Variants in KNDC1 observed in about 807,000 individuals in gnomAD.
KNDC1 encodes the protein kinase non-catalytic C-lobe domain containing 1, also known as kinase non-catalytic C-lobe domain-containing protein 1.
A neutral mutation model predicts 172.8 loss-of-function variants in KNDC1; 106 were observed. The ratio of observed to expected loss-of-function variants is 0.61; its 90% CI spans 0.52 to 0.72. KNDC1 has a LOEUF of 0.72. KNDC1 is among the 30% of genes least tolerant of loss of function. The probability of loss-of-function intolerance (pLI) is 0.00; values close to 1 mark genes in which losing one functional copy is unlikely to be tolerated. For synonymous variants in KNDC1, 1,083 were observed against 1,062.2 expected (o/e 1.02, Z -0.38); for missense variants, 2,325 against 2,394.5 (o/e 0.97, Z 0.61).
chr10:133,183,536 C>T (rs1396210618), intron 4 of KNDC1, 46 bp downstream of exon 4: 2 of 1,554,714 alleles, frequency 1.3e-6, no homozygotes, highest in East Asian at 2.3e-5. Flanking sequence ...ACCCTGACCC[C>T]ACAGGCCTGG....
At position 133,183,350 on chromosome 10, in the gene KNDC1, A is replaced by G. The variant is rs1459612557; in HGVS notation, c.367A>G (p.Ile123Val). The G allele has an allele frequency of 2.5e-6, 4 of 1,595,886 alleles. No homozygotes were observed. The highest frequency in any genetic ancestry group is 4.0e-4 in the Middle Eastern group (2 of 4,994). Reference protein sequence around the residue: ...DVTGNTFEAHIYSLGATLKAA... With the variant: ...DVTGNTFEAHVYSLGATLKAA... ...CAGCCTGTCGTGCCCACAGGCGCAC[A>G]TCTACTCTCTGGGGGCCACGCTGAA... Residue 123 changes from isoleucine to valine, a missense_variant, in exon 4 of 30, where the codon ATC becomes GTC. Coordinates refer to ENST00000304613, the MANE Select transcript of KNDC1 (RefSeq NM_152643.8).
chr10:133,181,584 G>T (rs902887487), intron 3 of KNDC1, among the ~76,000 whole-genome samples: 9 of 152,242 alleles, frequency 5.9e-5, no homozygotes, highest in African/African-American at 1.9e-4. Flanking sequence ...ACCAGGCAGG[G>T]TGCAGGAGGG....
chr10:133,180,427 C>T (rs1020500586), intron 3 of KNDC1, among the ~76,000 whole-genome samples: 11 of 152,270 alleles, frequency 7.2e-5, no homozygotes, highest in Non-Finnish European at 1.5e-4. Flanking sequence ...AGGATAGCGT[C>T]TCAGGGGCAG....
At chr10:133,172,780 T>G (rs1202989781) in intron 3 of KNDC1, among the ~76,000 whole-genome samples, 1 of 152,102 alleles carries the variant, frequency 6.6e-6, no homozygotes, top group Non-Finnish European at 1.5e-5. Flanking sequence ...GTCAGGAGGA[T>G]CACTTGAAGA....
At chr10:133,171,970 T>A (rs1297820511) in intron 3 of KNDC1, among the ~76,000 whole-genome samples, 2 of 152,244 alleles carry the variant, frequency 1.3e-5, no homozygotes, top group Admixed American at 1.3e-4. Flanking sequence ...AAAGTTTTTT[T>A]AATATTTCTA....
rs149524087 is a variant in KNDC1 at position 133,200,429 on chromosome 10, G to A, written c.2958G>A (p.Pro986=). The change falls in exon 16 of 30, where the codon CCG becomes CCA. Residue 986 remains proline, a synonymous_variant. Coordinates refer to ENST00000304613, the MANE Select transcript of KNDC1 (RefSeq NM_152643.8). ...QLEGSQSPRS[P]SSKRPSLHRL... is the part of the protein sequence containing the mutation. ...AGGGCAGCCAAAGCCCCCGCTCCCC[G>A]TCCAGCAAGAGGCCGTCGCTGCACC... The A allele has an allele frequency of 2.5e-4, 393 of 1,596,032 alleles. 2 individuals carry two copies. The African/African-American group carries it at 4.7e-3, about 19-fold the overall frequency.
At chr10:133,216,663 C>G (rs770860038) in intron 26 of KNDC1, among the ~76,000 whole-genome samples, 1 of 151,682 alleles carries the variant, frequency 6.6e-6, no homozygotes, top group Admixed American at 6.6e-5. Flanking sequence ...CGGTGCGAGA[C>G]CCTATCTCAA....
In KNDC1 at chr10:133,163,859, C is replaced by T. The variant is rs557445839; in HGVS notation, c.102+3290C>T. The stretch of plus-strand genomic sequence containing the variant: ...GCTGCCCTGGAGAGCAGCCCAGTCC[C>T]GGGGGTTCATGTCCACCTGCCTTCC... On this transcript the variant is annotated intron_variant, in intron 1 of 29. Coordinates refer to ENST00000304613, the MANE Select transcript of KNDC1 (RefSeq NM_152643.8). The surrounding 1 kb of genome is among the most constrained non-coding windows in gnomAD (Gnocchi z 4.4). Among the ~76,000 whole-genome samples, 60 of 151,784 alleles carry T rather than the reference C, an allele frequency of 4.0e-4. No homozygotes were observed. Among genetic ancestry groups the T allele is most frequent in the African/African-American group, 1.2e-3 (51 of 41,256 alleles).
In KNDC1 at chr10:133,224,749, G is replaced by A. The variant is rs1042296493; in HGVS notation, c.5109G>A (p.Lys1703=). The A allele has an allele frequency of 1.5e-5, 24 of 1,614,000 alleles. No homozygotes were observed. Among genetic ancestry groups the A allele is most frequent in the Non-Finnish European group, 1.9e-5 (23 of 1,180,036 alleles). The change falls in exon 30 of 30, where the codon AAG becomes AAA. Residue 1703 remains lysine, a synonymous_variant. Coordinates refer to ENST00000304613, the MANE Select transcript of KNDC1 (RefSeq NM_152643.8). The surrounding 1 kb of genome is among the most constrained non-coding windows in gnomAD (Gnocchi z 5.4). Reference sequence around the variant, plus strand: ...ACCCCAAGCTCCAGTCGTACCTCAAGCAGAGGATTGCCCGCTTCAGCGGTG... The same window carrying A: ...ACCCCAAGCTCCAGTCGTACCTCAAACAGAGGATTGCCCGCTTCAGCGGTG... ...SPDPKLQSYL[K]QRIARFSGAD...
At chr10:133,167,780 G>A (rs1591218528) in intron 2 of KNDC1, among the ~76,000 whole-genome samples, 1 of 152,160 alleles carries the variant, frequency 6.6e-6, no homozygotes, top group African/African-American at 2.4e-5. Flanking sequence ...GCTGTGCCAC[G>A]GCAGTCACGC....
Position 133,218,403 on chromosome 10 carries a change from GC to G in KNDC1, c.4678-426del, listed in dbSNP as rs541609273. 3.0e-3 allele frequency among the ~76,000 whole-genome samples: 454 copies of G among 152,312 alleles called. 2 individuals are homozygous for G. Among genetic ancestry groups the G allele is most frequent in the African/African-American group, 0.011 (438 of 41,568 alleles). On this transcript the variant is annotated intron_variant, in intron 26 of 29. Coordinates refer to ENST00000304613, the MANE Select transcript of KNDC1 (RefSeq NM_152643.8). ...CCCCGGACTGCACCCAAACACTCCT[GC>G]CACGGGCTTGGCGCAGCGGGTTGGG...
chr10:133,205,847 G>A (rs956574943), intron 17 of KNDC1, among the ~76,000 whole-genome samples: 7 of 152,046 alleles, frequency 4.6e-5, no homozygotes, highest in South Asian at 2.1e-4. Context: ...ACTCCAGCCC[G>A]AGTGACAGCA....
chr10:133,199,851 A>T (rs1435206772), intron 15 of KNDC1, among the ~76,000 whole-genome samples: 1 of 152,126 alleles, frequency 6.6e-6, no homozygotes, highest in Admixed American at 6.5e-5. Flanking sequence ...CTTTCAGAGA[A>T]TATGAGGCAG....
At position 133,206,880 on chromosome 10, in the gene KNDC1, C is replaced by A; in HGVS notation, c.3506C>A (p.Ser1169Tyr). 1.2e-6 allele frequency: 2 copies of A among 1,614,132 alleles called. No homozygotes were observed. The highest frequency in any genetic ancestry group is 2.2e-5 in the South Asian group (2 of 91,086). ...NKGSDVKTML[S>Y]KLKGQLEEMK... is the part of the protein sequence containing the mutation. The stretch of plus-strand genomic sequence containing the variant: ...GGTTCCGACGTCAAGACCATGCTGT[C>A]CAAGCTGAAAGGGCAGCTAGAAGAA... The change falls in exon 19 of 30, where the codon TCC (serine) becomes TAC (tyrosine). Residue 1169 changes from serine (S) to tyrosine (Y), a missense_variant. Physicochemically the swap from Ser to Tyr is moderately radical, Grantham distance 144. Transcript: ENST00000304613.
At chr10:133,175,437 G>A (rs1385375598) in intron 3 of KNDC1, among the ~76,000 whole-genome samples, 1 of 131,614 alleles carries the variant, frequency 7.6e-6, no homozygotes, top group Non-Finnish European at 1.7e-5. Flanking sequence ...GAATGGATGA[G>A]TGGATGGATG....
intron 21 of KNDC1, among the ~76,000 whole-genome samples, 160 bp downstream of exon 21, chr10:133,210,884 A>AGGTGGG (rs1845350073): frequency 6.6e-6 from 1 of 152,048 alleles, no homozygotes; most frequent in Non-Finnish European, 1.5e-5. Flanking sequence ...CTGGAGGTGG[A>AGGTGGG]GGACACACAG....
intron 1 of KNDC1, among the ~76,000 whole-genome samples, chr10:133,164,976 C>T (rs1195968565): frequency 6.6e-6 from 1 of 152,220 alleles, no homozygotes; most frequent in Non-Finnish European, 1.5e-5. Context: ...TTCCTCTCAC[C>T]TGTGCCAGAG....
chr10:133,191,263 TGTG>T, intron 9 of KNDC1, among the ~76,000 whole-genome samples: 1 of 86,596 alleles, frequency 1.2e-5, no homozygotes, highest in Admixed American at 1.1e-4. Flanking sequence ...CCCAGCCAGG[TGTG>T]GTGGCGCATG....
At chr10:133,211,297 T>C (rs1589771063) in intron 21 of KNDC1, 125 bp from the exon 22 acceptor site, 28 of 356,824 alleles carry the variant, frequency 7.8e-5, no homozygotes, top group Middle Eastern at 1.2e-3. Context: ...CCCAGCCCCC[T>C]AAGCCCCCTG....
Sources: gnomAD v4.1 joint callset for allele counts (sites outside exome capture counted in the v4.1 genomes callset) on GRCh38, gnomAD v4.1.1 for gene constraint, Gnocchi (gnomAD v3.1) non-coding constraint, MANE v1.5 for transcripts, NCBI Gene and HGNC (gene_info 2026-07-23, HGNC 2026-07-21) for gene names.